Variants in MFHAS1 observed in about 807,000 individuals in gnomAD.
MFHAS1 encodes the protein malignant fibrous histiocytoma-amplified sequence 1.
Under a neutral mutation model 70.4 loss-of-function variants are expected in MFHAS1, and 50 were observed. That is an observed-to-expected ratio of 0.71 (90% CI 0.57 to 0.90). The LOEUF is 0.90. Among genes scored for constraint, MFHAS1 ranks in the 40% least tolerant of loss-of-function variants. MFHAS1 has a pLI of 0.00. For missense variants in MFHAS1, 1,795 were observed against 1,347.6 expected, an observed-to-expected ratio of 1.33 and a Z score of -5.20; for synonymous variants, 952 against 620.0, an observed-to-expected ratio of 1.54 and a Z score of -7.96.
intron 1 of MFHAS1, among the ~76,000 whole-genome samples, chr8:8,870,519 T>C (rs946756188): frequency 4.6e-5 from 7 of 152,078 alleles, no homozygotes; most frequent in African/African-American, 9.7e-5. Context: ...CAGACGTGCA[T>C]TGATAAATGA....
At chr8:8,837,536 G>A (rs1309133229) in intron 1 of MFHAS1, among the ~76,000 whole-genome samples, 4 of 151,930 alleles carry the variant, frequency 2.6e-5, no homozygotes, top group Admixed American at 6.6e-5. Context: ...CAAGCTACTC[G>A]AGAGGCTGAG....
intron 1 of MFHAS1, among the ~76,000 whole-genome samples, chr8:8,831,994 A>AT (rs1807407023): frequency 6.6e-6 from 1 of 151,962 alleles, no homozygotes; most frequent in Non-Finnish European, 1.5e-5. Context: ...AAACAACTGG[A>AT]TATCTGTATG....
intron 2 of MFHAS1, among the ~76,000 whole-genome samples, chr8:8,787,307 C>T (rs556136272): frequency 1.3e-5 from 2 of 152,202 alleles, no homozygotes; most frequent in Non-Finnish European, 2.9e-5. Flanking sequence ...ATCTTGATCT[C>T]CTGACCTCAT....
intron 1 of MFHAS1, among the ~76,000 whole-genome samples, chr8:8,886,633 A>AT (rs1429342716): frequency 2.4e-4 from 37 of 152,150 alleles, no homozygotes; most frequent in African/African-American, 7.2e-4. Flanking sequence ...AACTTTATAC[A>AT]TTTTTTCTGT....
In MFHAS1 at chr8:8,891,097, G is replaced by T; in HGVS notation, c.1962C>A (p.Asn654Lys). The change falls in exon 1 of 3, where the codon AAC becomes AAA. Residue 654 changes from asparagine (N) to lysine (K), a missense_variant. Coordinates refer to ENST00000276282, the MANE Select transcript of MFHAS1 (RefSeq NM_004225.3). The surrounding 1 kb of genome is among the most constrained non-coding windows in gnomAD (Gnocchi z 5.4). ...SVAEHREIFP[N>K]LHRVLPRSWQ... ...AGGATCGAGGCAGTACTCTGTGTAA[G>T]TTGGGGAAGATCTCTCGGTGCTCAG... The T allele has an allele frequency of 1.2e-6, 2 of 1,613,986 alleles. No homozygotes were observed. Among genetic ancestry groups the T allele is most frequent in the Non-Finnish European group, 1.7e-6 (2 of 1,180,004 alleles).
At chr8:8,823,517 G>C (rs144246872) in intron 1 of MFHAS1, among the ~76,000 whole-genome samples, 1 of 151,992 alleles carries the variant, frequency 6.6e-6, no homozygotes, top group Non-Finnish European at 1.5e-5. Context: ...GGGTCTCTTC[G>C]AGCTTTAAAT....
intron 1 of MFHAS1, among the ~76,000 whole-genome samples, chr8:8,859,028 G>A (rs1808561220): frequency 6.6e-6 from 1 of 152,136 alleles, no homozygotes; most frequent in South Asian, 2.1e-4. Flanking sequence ...AGATTCTTCA[G>A]TCAATAAGTT....
At chr8:8,834,968 T>C (rs1807544855) in intron 1 of MFHAS1, among the ~76,000 whole-genome samples, 1 of 152,200 alleles carries the variant, frequency 6.6e-6, no homozygotes, top group South Asian at 2.1e-4. Context: ...AGGTATCCCT[T>C]TTAACTTTCA....
At chr8:8,791,125 G>GTTT (rs34714915) in intron 2 of MFHAS1, among the ~76,000 whole-genome samples, 2,483 of 132,484 alleles carry the variant, frequency 0.019, 81 homozygotes, top group African/African-American at 0.064. Context: ...CACCCCACCC[G>GTTT]TTTTTTTTTT....
intron 1 of MFHAS1, among the ~76,000 whole-genome samples, chr8:8,862,591 C>G (rs1808708307): frequency 6.6e-6 from 1 of 152,040 alleles, no homozygotes; most frequent in African/African-American, 2.4e-5. Context: ...GATGAACAGG[C>G]AGAGCTCAGA....
intron 1 of MFHAS1, among the ~76,000 whole-genome samples, chr8:8,886,187 C>G (rs1190689219): frequency 6.9e-6 from 1 of 144,282 alleles, no homozygotes; most frequent in Non-Finnish European, 1.5e-5. Context: ...CCAATCATTT[C>G]TTTTTTTTTT....
At chr8:8,885,072 G>C (rs1016326103) in intron 1 of MFHAS1, among the ~76,000 whole-genome samples, 2 of 152,054 alleles carry the variant, frequency 1.3e-5, no homozygotes, top group African/African-American at 4.8e-5. Context: ...GAAGCAGCAA[G>C]TGAACAACCT....
chr8:8,844,270 T>C (rs1189114392), intron 1 of MFHAS1, among the ~76,000 whole-genome samples: 2 of 152,246 alleles, frequency 1.3e-5, no homozygotes, highest in African/African-American at 2.4e-5. Context: ...CTAAGTCAGT[T>C]AATCATTGTC....
At chr8:8,873,175 A>T (rs1033020260) in intron 1 of MFHAS1, among the ~76,000 whole-genome samples, 20 of 152,364 alleles carry the variant, frequency 1.3e-4, no homozygotes, top group African/African-American at 4.6e-4. Context: ...GCAATTCATA[A>T]GCAATAGCCC....
chr8:8,879,541 C>T (rs1362648287), intron 1 of MFHAS1, among the ~76,000 whole-genome samples: 4 of 152,200 alleles, frequency 2.6e-5, no homozygotes, highest in Non-Finnish European at 4.4e-5. Flanking sequence ...AAGGACTTGA[C>T]CATTACTTTC....
chr8:8,892,209 G>C lies in MFHAS1; in HGVS notation c.850C>G (p.Leu284Val), dbSNP rs1482981676. ...AGCGCGGCAGGGAACTCCTCGAAGA[G>C]GTTGGAGGAGAGGTTGAGCATTTTG... Reference protein sequence around the residue: ...RLKMLNLSSNLFEEFPAALLP... With the variant: ...RLKMLNLSSNVFEEFPAALLP... The change falls in exon 1 of 3, where the codon CTC becomes GTC. Residue 284 changes from leucine (L) to valine (V), a missense_variant. Physicochemically the swap from Leu to Val is conservative, Grantham distance 32. Transcript: ENST00000276282. The surrounding 1 kb of genome is among the most constrained non-coding windows in gnomAD (Gnocchi z 4.7). The C allele has an allele frequency of 1.9e-6, 3 of 1,610,524 alleles. No homozygotes were observed. Among genetic ancestry groups the C allele is most frequent in the Non-Finnish European group, 2.5e-6 (3 of 1,180,022 alleles).
intron 1 of MFHAS1, among the ~76,000 whole-genome samples, chr8:8,868,605 A>G (rs1808951649): frequency 6.6e-6 from 1 of 152,074 alleles, no homozygotes; most frequent in Non-Finnish European, 1.5e-5. Context: ...ACAAATGAGC[A>G]TCTTATGGAA....
intron 1 of MFHAS1, among the ~76,000 whole-genome samples, chr8:8,834,109 G>A (rs901328379): frequency 2.0e-5 from 3 of 146,688 alleles, no homozygotes; most frequent in African/African-American, 7.5e-5. Context: ...CTGGGCAACC[G>A]AGTGAGACTC....
chr8:8,889,550 T>C (rs955487448), intron 1 of MFHAS1, among the ~76,000 whole-genome samples: 3 of 152,252 alleles, frequency 2.0e-5, no homozygotes, highest in Admixed American at 6.5e-5. Context: ...ATGCATTGCA[T>C]GCCTGTATCA....
Sources: allele counts gnomAD v4.1 joint callset (sites outside exome capture counted in the v4.1 genomes callset), GRCh38; gene constraint gnomAD v4.1.1; non-coding constraint Gnocchi (gnomAD v3.1); transcripts MANE v1.5; gene names NCBI Gene and HGNC (gene_info 2026-07-23, HGNC 2026-07-21).